TENM3: variants seen among roughly 807,000 people sequenced by gnomAD.
The protein encoded by TENM3 is teneurin-3.
In TENM3, 63 loss-of-function variants were observed where a neutral mutation model predicts 255.1. The observed-to-expected ratio is 0.25, with a 90% confidence interval of 0.20 to 0.30. The LOEUF is 0.30. Among genes scored for constraint, TENM3 ranks in the 10% least tolerant of loss-of-function variants. The probability of loss-of-function intolerance (pLI) is 1.00; values close to 1 mark genes in which losing one functional copy is unlikely to be tolerated. For missense variants in TENM3, 2,929 were observed against 3,461.1 expected, an observed-to-expected ratio of 0.85 and a Z score of 3.86; for synonymous variants, 1,306 against 1,322.3, an observed-to-expected ratio of 0.99 and a Z score of 0.27.
the TENM3 span, among the ~76,000 whole-genome samples, chr4:181,812,214 C>T: frequency 6.6e-6 from 1 of 152,174 alleles, no homozygotes; most frequent in African/African-American, 2.4e-5. Context: ...ATAACTGTAA[C>T]AACGCTAACT....
the TENM3 span, among the ~76,000 whole-genome samples, chr4:181,937,145 G>T: frequency 5.3e-5 from 8 of 152,322 alleles, no homozygotes; most frequent in Admixed American, 5.2e-4. Flanking sequence ...ACCAGCGTGT[G>T]CAAAGCTCTG....
intron 1 of TENM3, among the ~76,000 whole-genome samples, chr4:182,200,861 G>C (rs1754145237): frequency 7.5e-6 from 1 of 132,670 alleles, no homozygotes; most frequent in Non-Finnish European, 1.5e-5. Context: ...GTCTCACTCT[G>C]TCACCCAGGC....
At chr4:182,336,750 T>A (rs1764163605) in intron 2 of TENM3, among the ~76,000 whole-genome samples, 1 of 152,158 alleles carries the variant, frequency 6.6e-6, no homozygotes, top group Non-Finnish European at 1.5e-5. Context: ...ATTTTAGGGA[T>A]GAAATGTAAA....
At chr4:182,539,764 ATG>A (rs1415784715) in intron 3 of TENM3, among the ~76,000 whole-genome samples, 1 of 152,056 alleles carries the variant, frequency 6.6e-6, no homozygotes, top group Non-Finnish European at 1.5e-5. Flanking sequence ...GGGAATATAA[ATG>A]TGTATAATAT....
the TENM3 span, among the ~76,000 whole-genome samples, chr4:181,641,665 AATAT>A: frequency 4.8e-4 from 49 of 102,272 alleles, no homozygotes; most frequent in African/African-American, 1.8e-3. Flanking sequence ...TATACCATGG[AATAT>A]ATATATATAT....
intron 4 of TENM3, among the ~76,000 whole-genome samples, chr4:182,608,776 C>G (rs1748681869): frequency 1.3e-5 from 2 of 152,264 alleles, no homozygotes; most frequent in South Asian, 4.1e-4. Context: ...GGTCCCCAAG[C>G]CAGGCCACAG....
At chr4:181,826,933 C>T in the TENM3 span, among the ~76,000 whole-genome samples, 1 of 152,194 alleles carries the variant, frequency 6.6e-6, no homozygotes, top group African/African-American at 2.4e-5. Flanking sequence ...AGATATTCCT[C>T]TTCTTTCCCA....
the TENM3 span, among the ~76,000 whole-genome samples, chr4:181,654,955 T>G: frequency 6.6e-6 from 1 of 152,162 alleles, no homozygotes; most frequent in African/African-American, 2.4e-5. Flanking sequence ...AAACATAAAG[T>G]GAGACCAGGT....
At chr4:182,332,783 A>G (rs1234584162) in intron 2 of TENM3, among the ~76,000 whole-genome samples, 1 of 152,154 alleles carries the variant, frequency 6.6e-6, no homozygotes. Context: ...GAAGAGGTAC[A>G]TAAGATATAA....
chr4:182,443,642 C>T (rs1342349315), intron 3 of TENM3, among the ~76,000 whole-genome samples: 1 of 152,066 alleles, frequency 6.6e-6, no homozygotes, highest in Non-Finnish European at 1.5e-5. Flanking sequence ...GGATAGTTGC[C>T]AGGACAGGAC....
chr4:182,160,948 A>G (rs992564822), intron 1 of TENM3, among the ~76,000 whole-genome samples: 1 of 152,178 alleles, frequency 6.6e-6, no homozygotes, highest in African/African-American at 2.4e-5. Context: ...ATAGATATAT[A>G]CACTTGTCAA....
chr4:182,417,473 G>A (rs4861509), intron 3 of TENM3, among the ~76,000 whole-genome samples: 75,937 of 151,920 alleles, frequency 0.5, 19,280 homozygotes, highest in South Asian at 0.59. Context: ...TGTATGACAT[G>A]CTTTTTCTTT....
At chr4:181,535,741 T>C in the TENM3 span, among the ~76,000 whole-genome samples, 1 of 152,134 alleles carries the variant, frequency 6.6e-6, no homozygotes, top group African/African-American at 2.4e-5. Flanking sequence ...ACCATGGACT[T>C]CCTATTTCTT....
the TENM3 span, among the ~76,000 whole-genome samples, chr4:182,106,367 G>A: frequency 1.3e-5 from 2 of 152,174 alleles, no homozygotes; most frequent in Non-Finnish European, 2.9e-5. Context: ...AGGCTGAGGT[G>A]GGAGGATCAC....
chr4:181,713,135 C>A, the TENM3 span, among the ~76,000 whole-genome samples: 1 of 152,176 alleles, frequency 6.6e-6, no homozygotes, highest in African/African-American at 2.4e-5. Context: ...ACTGTTGGCA[C>A]CTTCTAAAAG....
chr4:182,152,541 A>C (rs1403312264), intron 1 of TENM3, among the ~76,000 whole-genome samples: 1 of 151,862 alleles, frequency 6.6e-6, no homozygotes, highest in Non-Finnish European at 1.5e-5. Context: ...ATTAGTCCTC[A>C]ATTGTTACTT....
the TENM3 span, among the ~76,000 whole-genome samples, chr4:181,561,255 T>C: frequency 6.6e-6 from 1 of 152,266 alleles, no homozygotes; most frequent in African/African-American, 2.4e-5. Flanking sequence ...TGCCCCACCT[T>C]TATCCCTCAA....
intron 3 of TENM3, among the ~76,000 whole-genome samples, chr4:182,537,093 A>G (rs1740407103): frequency 6.6e-6 from 1 of 152,230 alleles, no homozygotes; most frequent in African/African-American, 2.4e-5. Flanking sequence ...AAGGAAGTAC[A>G]GTGTGAATGA....
chr4:181,678,524 C>G, the TENM3 span, among the ~76,000 whole-genome samples: 2 of 152,018 alleles, frequency 1.3e-5, no homozygotes, highest in East Asian at 1.9e-4. Flanking sequence ...GTTTTTCTCT[C>G]TATCAAAACT....
Sources: gnomAD v4.1 joint callset for allele counts (sites outside exome capture counted in the v4.1 genomes callset) on GRCh38, gnomAD v4.1.1 for gene constraint, MANE v1.5 for transcripts, NCBI Gene and HGNC (gene_info 2026-07-23, HGNC 2026-07-21) for gene names.